Variants in KDM5A observed in about 807,000 individuals in gnomAD.
The protein encoded by KDM5A is lysine demethylase 5A, also known as lysine-specific demethylase 5A.
A neutral mutation model predicts 193.5 loss-of-function variants in KDM5A; 42 were observed. The ratio of observed to expected loss-of-function variants is 0.22; its 90% CI spans 0.17 to 0.28. The LOEUF is 0.28. Among genes scored for constraint, KDM5A ranks in the 10% least tolerant of loss-of-function variants. KDM5A has a pLI of 1.00. For synonymous variants in KDM5A, 796 were observed against 718.1 expected (o/e 1.11, Z -1.73); for missense variants, 1,692 against 2,055.1 (o/e 0.82, Z 3.42).
chr12:374,608 C>G (rs953288578), intron 3 of KDM5A, among the ~76,000 whole-genome samples: 11 of 152,256 alleles, frequency 7.2e-5, no homozygotes, highest in African/African-American at 2.6e-4. Flanking sequence ...GAATTTGATC[C>G]TGTCATTATG....
intron 13 of KDM5A, among the ~76,000 whole-genome samples, chr12:330,407 C>T (rs1943851416): frequency 6.6e-6 from 1 of 152,104 alleles, no homozygotes; most frequent in Admixed American, 6.6e-5. Context: ...TATCCTCTAA[C>T]TTGTCTGAGG....
rs913799928 is a variant in KDM5A, at chr12:319,754, A to AAAAAG, written c.2541+1236_2541+1240dup. On this transcript the variant is annotated intron_variant, in intron 18 of 27. Coordinates refer to ENST00000399788, the MANE Select transcript of KDM5A (RefSeq NM_001042603.3). ...GGATGACAGAGCCAGACGCTGTCTC[A>AAAAAG]AAAAGAAAAGAAAAGAAAAGAAAAA... Among the ~76,000 whole-genome samples, 32 of 125,470 alleles carry AAAAAG rather than the reference A, an allele frequency of 2.6e-4. No individual in the cohort carries two copies. The East Asian group carries it at 6.0e-3, about 24-fold the overall frequency. The allele number at this position is 125,470 out of a possible 152,430, so 82.3% of individuals were successfully genotyped here.
At chr12:294,498 G>C (rs888605128) in intron 26 of KDM5A, among the ~76,000 whole-genome samples, 1 of 152,150 alleles carries the variant, frequency 6.6e-6, no homozygotes. Context: ...TTAATACTTT[G>C]TGCTTCCTTA....
At chr12:287,116 T>C (rs1004709362) in intron 27 of KDM5A, among the ~76,000 whole-genome samples, 11 of 152,160 alleles carry the variant, frequency 7.2e-5, no homozygotes, top group Admixed American at 4.6e-4. Context: ...GCTCTACTCA[T>C]TACCCTACAC....
rs776854527 is a variant in KDM5A at position 365,999 on chromosome 12, A to G, written c.472T>C (p.Leu158=). ...AGAATTCTTTCATAATGTGACTTCA[A>G]AAGAGACCCAGTTCCTTTTCCTGGC... The part of the protein sequence containing the change: ...YLPGKGTGSL[L]KSHYERILYP... The change falls in exon 4 of 28, where the codon TTG becomes CTG. Residue 158 remains leucine, a synonymous_variant. Coordinates refer to ENST00000399788, the MANE Select transcript of KDM5A (RefSeq NM_001042603.3). 6.2e-7 allele frequency: 1 copy of G among 1,614,084 alleles called. No individual in the cohort carries two copies. The highest frequency in any genetic ancestry group is 8.5e-7 in the Non-Finnish European group (1 of 1,179,918).
chr12:373,443 T>A (rs1389083030), intron 3 of KDM5A, among the ~76,000 whole-genome samples: 2 of 152,234 alleles, frequency 1.3e-5, no homozygotes, highest in East Asian at 3.8e-4. Flanking sequence ...ATCCCCTTTA[T>A]CATTTTTTAT....
At position 322,565 on chromosome 12, in the gene KDM5A, A is replaced by G. The variant is rs1454842729; in HGVS notation, c.2278T>C (p.Leu760=). Residue 760 remains leucine, a splice_region_variant and synonymous_variant, in exon 17 of 28, where the codon TTG becomes CTG. Coordinates refer to ENST00000399788, the MANE Select transcript of KDM5A (RefSeq NM_001042603.3). ...TCCAGCATTACTCGCAATTCAATCA[A>G]ATCTGTAAAAATTTAAATAAAGAGC... ...LSANFNHKKD[L]IELRVMLEDA... The G allele has an allele frequency of 1.9e-6, 3 of 1,611,380 alleles. No individual in the cohort carries two copies. The highest frequency in any genetic ancestry group is 2.5e-6 in the Non-Finnish European group (3 of 1,178,782).
At chr12:341,110 T>C (rs1565539309) in intron 10 of KDM5A, among the ~76,000 whole-genome samples, 1 of 152,180 alleles carries the variant, frequency 6.6e-6, no homozygotes, top group Non-Finnish European at 1.5e-5. Context: ...TCAGAAAATG[T>C]AAATATCTGC....
chr12:291,995 T>G (rs1398448893), intron 27 of KDM5A, among the ~76,000 whole-genome samples: 1 of 151,254 alleles, frequency 6.6e-6, no homozygotes, highest in Non-Finnish European at 1.5e-5. Context: ...CTCTGCCTCC[T>G]GGGTTCAAGC....
intron 14 of KDM5A, among the ~76,000 whole-genome samples, chr12:325,042 A>G (rs1233926902): frequency 3.3e-5 from 5 of 152,210 alleles, no homozygotes; most frequent in African/African-American, 7.2e-5. Flanking sequence ...TGGGAACCTG[A>G]TAATTTATTC....
rs775659742 is a variant in KDM5A at position 295,760 on chromosome 12, C to T, written c.4268G>A (p.Ser1423Asn). ...SSTPRKQPRK[S>N]PLVPRSLEPP... ...TTCCAAACTTCGGGGCACCAAAGGG[C>T]TCTTCCGAGGTTGTTTCCTTGGGGT... is the stretch of plus-strand genomic sequence containing the variant. Residue 1423 changes from serine to asparagine, a missense_variant, in exon 26 of 28, where the codon AGC becomes AAC. By Grantham distance (46) the Ser-to-Asn change is conservative. Coordinates refer to ENST00000399788, the MANE Select transcript of KDM5A (RefSeq NM_001042603.3). 1.2e-6 allele frequency: 2 copies of T among 1,614,104 alleles called. No homozygotes were observed. The highest frequency in any genetic ancestry group is 1.1e-5 in the South Asian group (1 of 91,072).
intron 8 of KDM5A, among the ~76,000 whole-genome samples, chr12:353,407 T>C (rs1277919985): frequency 1.3e-5 from 2 of 152,092 alleles, no homozygotes; most frequent in African/African-American, 4.8e-5. Context: ...GATGCATAAA[T>C]CCCAAGTTCT....
chr12:367,592 C>T (rs997514337), intron 3 of KDM5A, among the ~76,000 whole-genome samples: 2 of 152,096 alleles, frequency 1.3e-5, no homozygotes, highest in Non-Finnish European at 2.9e-5. Context: ...ATCCCAGCTA[C>T]TCAGGAGGCT....
At position 331,775 on chromosome 12, in the gene KDM5A, G is replaced by A. The variant is rs1402024194; in HGVS notation, c.1773+44C>T. 3 of 1,609,762 alleles carry A rather than the reference G, an allele frequency of 1.9e-6. No homozygotes were observed. The South Asian group carries it at 3.3e-5, about 18-fold the overall frequency. On this transcript the variant is annotated intron_variant, in intron 13 of 27. Transcript: ENST00000399788. ...GCAACTAAGCTGCTTTATATTTATA[G>A]GGGGGTTAGTAGACGTACAACAGCC...
rs1354562815 is a variant in KDM5A, at chr12:297,100, G to A, written c.4175C>T (p.Thr1392Ile). 6.2e-7 allele frequency: 1 copy of A among 1,614,036 alleles called. No homozygotes were observed. The highest frequency in any genetic ancestry group is 1.7e-5 in the Admixed American group (1 of 60,016). ...ATGCTCTGCACAAAATGAAGGTGCTGTCCACATGTGGGTCACCACCTCCTC... is the reference window on the plus strand; with the variant it reads ...ATGCTCTGCACAAAATGAAGGTGCTATCCACATGTGGGTCACCACCTCCTC... Reference protein sequence around the residue: ...KSEEVVTHMWTAPSFCAEHAY... With the variant: ...KSEEVVTHMWIAPSFCAEHAY... The change falls in exon 25 of 28, where the codon ACA (threonine) becomes ATA (isoleucine). Residue 1392 changes from threonine to isoleucine, a missense_variant. Thr to Ile is a moderately conservative substitution (Grantham distance 89, BLOSUM62 -1). Transcript: ENST00000399788.
chr12:315,018 G>A (rs1042617649), intron 19 of KDM5A, among the ~76,000 whole-genome samples: 22 of 152,266 alleles, frequency 1.4e-4, no homozygotes, highest in Admixed American at 5.2e-4. Flanking sequence ...AGTTACACCT[G>A]TATTTTAACA....
chr12:323,840 C>T lies in KDM5A; in HGVS notation c.1969-59G>A, dbSNP rs928346230. ...TTCTAGTCTTTAAAGCATCAAAAAA[C>T]TTAAGTTACTACATTTTTTTCTATA... On this transcript the variant is annotated intron_variant, in intron 14 of 27. Coordinates refer to ENST00000399788, the MANE Select transcript of KDM5A (RefSeq NM_001042603.3). The T allele has an allele frequency of 6.5e-6, 9 of 1,391,940 alleles. No individual in the cohort carries two copies. The African/African-American group carries it at 1.1e-4, about 18-fold the overall frequency. 86.2% of individuals were successfully genotyped at this position (1,391,940 alleles called of 1,614,324 possible). A position where few individuals can be genotyped will look rare whatever the true frequency, so the allele number is the denominator to read the frequency against.
In KDM5A at chr12:313,142, TGTTC is replaced by T; in HGVS notation, c.2946_2949del (p.Asn983PhefsTer11). 1.2e-6 allele frequency: 2 copies of T among 1,614,162 alleles called. No individual in the cohort carries two copies. The highest frequency in any genetic ancestry group is 1.7e-6 in the Non-Finnish European group (2 of 1,179,998). ...AACACATTGGGTAGAAAGGCTGGAA[TGTTC>T]TTGGCTTCATTCACAATGCTTTCTA... On this transcript the variant is annotated frameshift_variant, in exon 20 of 28. Coordinates refer to ENST00000399788, the MANE Select transcript of KDM5A (RefSeq NM_001042603.3). LOFTEE classifies it high-confidence loss of function.
In KDM5A at chr12:307,461, T is replaced by A; in HGVS notation, c.3923A>T (p.Asp1308Val). The stretch of plus-strand genomic sequence containing the variant: ...TGTAAATCCTAAACTTGCCTGTAAG[T>A]CTGGATTGGCAGCTGCTTTTTGGAG... Reference protein sequence around the residue: ...AELQKAAANPDLQGHLPSFQQ... With the variant: ...AELQKAAANPVLQGHLPSFQQ... The change falls in exon 23 of 28, where the codon GAC (aspartate) becomes GTC (valine). Residue 1308 changes from aspartate (D) to valine (V), a missense_variant. By Grantham distance (152) the Asp-to-Val change is radical. Coordinates refer to ENST00000399788, the MANE Select transcript of KDM5A (RefSeq NM_001042603.3). This position sits in a 1 kb window ranked among gnomAD's most constrained non-coding sequence, Gnocchi z 4.3. 6.2e-7 allele frequency: 1 copy of A among 1,612,900 alleles called. No individual in the cohort carries two copies. The highest frequency in any genetic ancestry group is 8.5e-7 in the Non-Finnish European group (1 of 1,179,960).
Sources: gnomAD v4.1 joint callset for allele counts (sites outside exome capture counted in the v4.1 genomes callset) on GRCh38, gnomAD v4.1.1 for gene constraint, Gnocchi (gnomAD v3.1) non-coding constraint, MANE v1.5 for transcripts, NCBI Gene and HGNC (gene_info 2026-07-23, HGNC 2026-07-21) for gene names.